SEMA3A: variants seen among roughly 807,000 people sequenced by gnomAD.
SEMA3A encodes semaphorin 3A.
Under a neutral mutation model 97.9 loss-of-function variants are expected in SEMA3A, and 29 were observed. The ratio of observed to expected loss-of-function variants is 0.30; its 90% CI spans 0.22 to 0.40. SEMA3A has a LOEUF of 0.40. Ranked by LOEUF, SEMA3A falls within the 10% of genes least tolerant of loss-of-function variation. The probability of loss-of-function intolerance (pLI) is 1.00; values close to 1 mark genes in which losing one functional copy is unlikely to be tolerated. For synonymous variants in SEMA3A, 321 were observed against 323.7 expected, an observed-to-expected ratio of 0.99 and a Z score of 0.09; for missense variants, 763 against 951.3, an observed-to-expected ratio of 0.80 and a Z score of 2.60.
At chr7:84,403,113 G>A (rs1385221600) in intron 1 of SEMA3A, among the ~76,000 whole-genome samples, 3 of 152,156 alleles carry the variant, frequency 2.0e-5, no homozygotes, top group Admixed American at 1.3e-4. Context: ...CCTCACCCGG[G>A]AAGCATGAGG....
intron 6 of SEMA3A, among the ~76,000 whole-genome samples, chr7:84,019,260 C>T (rs528164038): frequency 6.6e-6 from 1 of 151,980 alleles, no homozygotes; most frequent in South Asian, 2.1e-4. Context: ...CTGTTTAGTG[C>T]GTCTTTAGAG....
At chr7:84,011,996 A>G (rs1456141794) in intron 7 of SEMA3A, among the ~76,000 whole-genome samples, 1 of 151,388 alleles carries the variant, frequency 6.6e-6, no homozygotes, top group Non-Finnish European at 1.5e-5. Flanking sequence ...GGAAAGACAA[A>G]TACCTCGTGA....
intron 14 of SEMA3A, among the ~76,000 whole-genome samples, chr7:83,980,639 T>TATATACACAC (rs376148779): frequency 1.9e-4 from 17 of 88,462 alleles, no homozygotes; most frequent in East Asian, 1.9e-3. Flanking sequence ...TATATATATA[T>TATATACACAC]ACACACACAC....
At chr7:84,163,837 G>A in intron 1 of SEMA3A, among the ~76,000 whole-genome samples, 1 of 147,604 alleles carries the variant, frequency 6.8e-6, no homozygotes, top group East Asian at 2.0e-4. Flanking sequence ...ATTTCACACA[G>A]TACTATTTTT....
intron 1 of SEMA3A, among the ~76,000 whole-genome samples, chr7:84,425,228 T>C (rs1804768259): frequency 8.4e-6 from 1 of 119,310 alleles, no homozygotes; most frequent in South Asian, 2.4e-4. Context: ...TACATATGAA[T>C]ATATATTGAT....
At chr7:84,430,114 G>A (rs977541349) in intron 1 of SEMA3A, among the ~76,000 whole-genome samples, 12 of 151,788 alleles carry the variant, frequency 7.9e-5, no homozygotes, top group Admixed American at 2.6e-4. Context: ...AGCTGTCTTT[G>A]ACAATCTTTA....
chr7:84,306,672 C>T (rs1012038737), intron 3 of SEMA3A: 11 of 152,152 alleles, frequency 7.2e-5, no homozygotes, highest in Admixed American at 1.3e-4. Context: ...GATTTCCTGA[C>T]TGTATTTTAC....
intron 4 of SEMA3A, among the ~76,000 whole-genome samples, chr7:84,107,699 C>G (rs1795152276): frequency 6.6e-6 from 1 of 152,172 alleles, no homozygotes; most frequent in African/African-American, 2.4e-5. Flanking sequence ...CCCACCCATA[C>G]AGCAGCAATG....
chr7:84,369,395 G>A (rs1280671270), intron 2 of SEMA3A, among the ~76,000 whole-genome samples: 1 of 150,694 alleles, frequency 6.6e-6, no homozygotes, highest in Non-Finnish European at 1.5e-5. Flanking sequence ...CATCAGTTTT[G>A]TAACTTCAAG....
chr7:84,323,391 A>G lies in SEMA3A; in HGVS notation c.-168-16099T>C, dbSNP rs568846692. Among the ~76,000 whole-genome samples the G allele has an allele frequency of 3.9e-5, 6 of 152,226 alleles. No homozygotes were observed. The South Asian group carries it at 1.2e-3, about 32-fold the overall frequency. ...CATGTTTTTTGTCACTAATCACTAC[A>G]TAATCAAGTGTGCCACATATGACAG... is the stretch of plus-strand genomic sequence containing the variant. On this transcript the variant is annotated intron_variant, in intron 2 of 3. Coordinates refer to the SEMA3A transcript ENST00000424555.
chr7:84,434,669 AG>A (rs1805078242), intron 1 of SEMA3A, among the ~76,000 whole-genome samples: 1 of 152,202 alleles, frequency 6.6e-6, no homozygotes, highest in South Asian at 2.1e-4. Flanking sequence ...ACCATGATCA[AG>A]TAGGTTTCAT....
chr7:83,992,153 G>A (rs1237229979), intron 12 of SEMA3A, among the ~76,000 whole-genome samples: 2 of 150,340 alleles, frequency 1.3e-5, no homozygotes, highest in Non-Finnish European at 3.0e-5. Context: ...ATTTCTGTGG[G>A]ATTGGTGGTG....
At chr7:84,404,865 G>C (rs533000429) in intron 1 of SEMA3A, among the ~76,000 whole-genome samples, 2,351 of 152,156 alleles carry the variant, frequency 0.015, 66 homozygotes, top group African/African-American at 0.054. Flanking sequence ...GTCACCACCA[G>C]GCCTGCCCTA....
At chr7:84,061,827 T>G (rs1793227557) in intron 4 of SEMA3A, among the ~76,000 whole-genome samples, 1 of 152,228 alleles carries the variant, frequency 6.6e-6, no homozygotes. Flanking sequence ...TTCTTTGCAT[T>G]TATTCTGTAT....
chr7:84,235,277 A>G (rs951289501), intron 3 of SEMA3A, among the ~76,000 whole-genome samples: 1 of 152,032 alleles, frequency 6.6e-6, no homozygotes, highest in Admixed American at 6.6e-5. Flanking sequence ...TTTCTGTATT[A>G]CTGAGTGAAA....
chr7:84,043,179 T>A (rs896772897), intron 6 of SEMA3A, among the ~76,000 whole-genome samples: 1 of 152,032 alleles, frequency 6.6e-6, no homozygotes, highest in African/African-American at 2.4e-5. Context: ...CGTTATTACA[T>A]GTTAAAATGT....
intron 1 of SEMA3A, among the ~76,000 whole-genome samples, chr7:84,390,988 G>T (rs971553541): frequency 2.0e-5 from 3 of 152,100 alleles, no homozygotes; most frequent in African/African-American, 7.2e-5. Flanking sequence ...GTTAACACAG[G>T]CCCTCTCTGC....
rs1801999897 is a variant in SEMA3A, at chr7:84,334,888, G to A, written c.-168-27596C>T. Among the ~76,000 whole-genome samples, 7 of 134,088 alleles carry A rather than the reference G, an allele frequency of 5.2e-5. No homozygotes were observed. The South Asian group carries it at 1.3e-3, about 26-fold the overall frequency. 88.0% of individuals were successfully genotyped at this position (134,088 alleles called of 152,430 possible). A position where few individuals can be genotyped will look rare whatever the true frequency, so the allele number is the denominator to read the frequency against. On this transcript the variant is annotated intron_variant, in intron 2 of 3. Transcript: ENST00000424555. Reference sequence around the variant, plus strand: ...TCCTCAATTTCCCCCTAAGTCCCACGCCTCATTTTCTACTTAGACTACCCC... The same window carrying A: ...TCCTCAATTTCCCCCTAAGTCCCACACCTCATTTTCTACTTAGACTACCCC...
chr7:84,294,750 T>A (rs1245598923), intron 3 of SEMA3A, among the ~76,000 whole-genome samples: 1 of 152,062 alleles, frequency 6.6e-6, no homozygotes, highest in Non-Finnish European at 1.5e-5. Flanking sequence ...ACATCTTCAA[T>A]CAAACTGTCA....
Sources: allele counts gnomAD v4.1 joint callset (sites outside exome capture counted in the v4.1 genomes callset), GRCh38; gene constraint gnomAD v4.1.1; transcripts MANE v1.5; gene names NCBI Gene and HGNC (gene_info 2026-07-23, HGNC 2026-07-21).